Variants in CHAC2 observed in about 807,000 individuals in gnomAD.
CHAC2 encodes the protein glutathione-specific gamma-glutamylcyclotransferase 2.
Under a neutral mutation model 16.9 loss-of-function variants are expected in CHAC2, and 20 were observed. The ratio of observed to expected loss-of-function variants is 1.18; its 90% CI spans 0.83 to 1.72. The LOEUF (loss-of-function observed/expected upper bound fraction) is 1.72, where lower values mean the gene tolerates loss of function less well. Among genes scored for constraint, CHAC2 ranks in the 40% most tolerant of loss-of-function variants. CHAC2 has a pLI of 0.00. For synonymous variants in CHAC2, 91 were observed against 77.3 expected, an observed-to-expected ratio of 1.18 and a Z score of -0.93; for missense variants, 269 against 222.2, an observed-to-expected ratio of 1.21 and a Z score of -1.34.
At chr2:53,768,059 T>C (rs1298298443) in intron 1 of CHAC2, 38 bp downstream of exon 1, 5 of 1,606,132 alleles carry the variant, frequency 3.1e-6, no homozygotes, top group Non-Finnish European at 4.2e-6. Flanking sequence ...TACTGCCCCC[T>C]GACCCCTGCT....
At chr2:53,771,378 T>TG (rs1407103256) in intron 1 of CHAC2, among the ~76,000 whole-genome samples, 1 of 152,132 alleles carries the variant, frequency 6.6e-6, no homozygotes, top group South Asian at 2.1e-4. Context: ...CTGGGTGTCT[T>TG]GGCGGGCACC....
chr2:53,767,874 G>T lies in CHAC2; in HGVS notation c.-13G>T. 6.2e-7 allele frequency: 1 copy of T among 1,600,642 alleles called. No homozygotes were observed. The highest frequency in any genetic ancestry group is 8.5e-7 in the Non-Finnish European group (1 of 1,173,798). ...AGGGTTCACGGCCACTGGGGCAGAG[G>T]AGCCGCGAGAAGATGTGGGTTTTTG... On this transcript the variant is annotated 5_prime_UTR_variant, in exon 1 of 3. Transcript: ENST00000295304.
At position 53,774,577 on chromosome 2, in the gene CHAC2, A is replaced by G. The variant is rs1674201068; in HGVS notation, c.*52A>G. 1.5e-6 allele frequency: 2 copies of G among 1,307,950 alleles called. No homozygotes were observed. The highest frequency in any genetic ancestry group is 2.4e-5 in the East Asian group (1 of 41,508). 81.0% of individuals were successfully genotyped at this position (1,307,950 alleles called of 1,614,324 possible). ...TGCACAATGACAATATGATTTGGAA[A>G]TACGTTTACTTAAAGATCTTATTTT... On this transcript the variant is annotated 3_prime_UTR_variant, in exon 3 of 3. Transcript: ENST00000295304.
At chr2:53,773,377 T>C (rs1250643840) in intron 2 of CHAC2, among the ~76,000 whole-genome samples, 3 of 150,978 alleles carry the variant, frequency 2.0e-5, no homozygotes, top group Non-Finnish European at 4.4e-5. Flanking sequence ...ATTTCCTTTA[T>C]TGTTTAGTAT....
intron 1 of CHAC2, among the ~76,000 whole-genome samples, 189 bp from the exon 2 acceptor site, chr2:53,771,717 AC>A (rs1309298638): frequency 6.6e-6 from 1 of 152,166 alleles, no homozygotes; most frequent in Non-Finnish European, 1.5e-5. Context: ...AAAGGCCAAC[AC>A]AGTCTCTAGA....
In CHAC2 at chr2:53,774,559, T is replaced by C. The variant is rs1236301703; in HGVS notation, c.*34T>C. 3 of 1,427,280 alleles carry C rather than the reference T, an allele frequency of 2.1e-6. No individual in the cohort carries two copies. In the South Asian group the frequency reaches 4.5e-5, roughly 21 times the overall value. The allele number at this position is 1,427,280 out of a possible 1,614,324, so 88.4% of individuals were successfully genotyped here. A position where few individuals can be genotyped will look rare whatever the true frequency, so the allele number is the denominator to read the frequency against. ...TCAGAGAATTAACTTCAGTGCACAA[T>C]GACAATATGATTTGGAAATACGTTT... On this transcript the variant is annotated 3_prime_UTR_variant, in exon 3 of 3. Coordinates refer to ENST00000295304, the MANE Select transcript of CHAC2 (RefSeq NM_001008708.4).
chr2:53,773,184 T>C (rs2104164261), intron 2 of CHAC2, among the ~76,000 whole-genome samples: 2 of 152,278 alleles, frequency 1.3e-5, no homozygotes, highest in South Asian at 4.1e-4. Flanking sequence ...ATTAAACAGT[T>C]AATAAACAAA....
At position 53,774,183 on chromosome 2, in the gene CHAC2, G is replaced by A. The variant is rs1289262563; in HGVS notation, c.213G>A (p.Lys71=). 8 of 1,612,548 alleles carry A rather than the reference G, an allele frequency of 5.0e-6. No homozygotes were observed. Among genetic ancestry groups the A allele is most frequent in the African/African-American group, 1.3e-5 (1 of 74,784 alleles). ...WGVAYRLPVG[K]EEEVKAYLDF... ...TTGCTTACAGATTGCCAGTAGGAAA[G>A]GAAGAAGAAGTAAAAGCATACCTTG... The change falls in exon 3 of 3, where the codon AAG becomes AAA. Residue 71 remains lysine (K), a synonymous_variant. Transcript: ENST00000295304.
At chr2:53,773,810 G>A (rs1674125087) in intron 2 of CHAC2, among the ~76,000 whole-genome samples, 2 of 151,946 alleles carry the variant, frequency 1.3e-5, no homozygotes, top group South Asian at 4.2e-4. Context: ...CGAGGCAGGT[G>A]GATCACTTGA....
chr2:53,769,446 G>C (rs10490471), intron 1 of CHAC2, among the ~76,000 whole-genome samples: 84,305 of 152,146 alleles, frequency 0.55, 24,523 homozygotes, highest in African/African-American at 0.74. Context: ...TAGTCTTGAC[G>C]AAAATGTACA....
chr2:53,768,017 G>T lies in CHAC2; in HGVS notation c.131G>T (p.Gly44Val), dbSNP rs545896658. The part of the protein sequence containing the change: ...QGSTDHRGVP[G>V]KPGRVVTLVE... ...AGCACGGACCACCGCGGGGTCCCCG[G>T]CAAGGTGAGGCGCCGGTCAGCTCCC... Residue 44 changes from glycine (G) to valine (V), a missense_variant, in exon 1 of 3, where the codon GGC becomes GTC. Transcript: ENST00000295304. 6 of 1,613,110 alleles carry T rather than the reference G, an allele frequency of 3.7e-6. No homozygotes were observed. In the Admixed American group the frequency reaches 1.0e-4, roughly 27 times the overall value.
rs1271139991 is a variant in CHAC2, at chr2:53,774,808, CAG to C, written c.*286_*287del. ...GGACTCAGTTCAGTCTTGTTTTTATCAGAGTGATAATCATCCTGTTTCACATC... is the reference window on the plus strand; with the variant it reads ...GGACTCAGTTCAGTCTTGTTTTTATCAGTGATAATCATCCTGTTTCACATC... On this transcript the variant is annotated 3_prime_UTR_variant, in exon 3 of 3. Transcript: ENST00000295304. 8 of 253,886 alleles carry C rather than the reference CAG, an allele frequency of 3.2e-5. No individual in the cohort carries two copies. Among genetic ancestry groups the C allele is most frequent in the African/African-American group, 1.6e-4 (7 of 44,952 alleles). 15.7% of individuals were successfully genotyped at this position (253,886 alleles called of 1,614,324 possible).
At chr2:53,771,805 C>T (rs1673932166) in intron 1 of CHAC2, 102 bp from the exon 2 acceptor site, 3 of 743,944 alleles carry the variant, frequency 4.0e-6, no homozygotes, top group African/African-American at 3.6e-5. Context: ...TTCTTATGAG[C>T]AAATATAATT....
Position 53,774,121 on chromosome 2 carries a change from ATTCTT to A in CHAC2, c.172-17_172-13del, listed in dbSNP as rs762673202. ...TTAATTAGCCTTATAATACCAGTGT[ATTCTT>A]TTCATTTTTCAACAGGGATGTGTAT... On this transcript the variant is annotated splice_polypyrimidine_tract_variant and intron_variant, in intron 2 of 2. Coordinates refer to ENST00000295304, the MANE Select transcript of CHAC2 (RefSeq NM_001008708.4). 14 of 1,569,192 alleles carry A rather than the reference ATTCTT, an allele frequency of 8.9e-6. No homozygotes were observed. Among genetic ancestry groups the A allele is most frequent in the Non-Finnish European group, 1.1e-5 (13 of 1,163,022 alleles).
rs1674184622 is a variant in CHAC2 at position 53,774,421 on chromosome 2, T to A, written c.451T>A (p.Ser151Thr). 1.1e-5 allele frequency: 17 copies of A among 1,612,402 alleles called. No individual in the cohort carries two copies. Among genetic ancestry groups the A allele is most frequent in the Non-Finnish European group, 1.4e-5 (17 of 1,179,744 alleles). The change falls in exon 3 of 3, where the codon TCT (serine) becomes ACT (threonine). Residue 151 changes from serine (S) to threonine (T), a missense_variant. Transcript: ENST00000295304. ...AGAATATCTTTTTGAACTTGCAAATTCTATTAGGAACCTTGTGCCAGAAGA... is the reference window on the plus strand; with the variant it reads ...AGAATATCTTTTTGAACTTGCAAATACTATTAGGAACCTTGTGCCAGAAGA... ...NTEYLFELAN[S>T]IRNLVPEEAD... is the part of the protein sequence containing the mutation.
At chr2:53,772,685 C>G (rs1009989493) in intron 2 of CHAC2, among the ~76,000 whole-genome samples, 1 of 151,246 alleles carries the variant, frequency 6.6e-6, no homozygotes, top group Non-Finnish European at 1.5e-5. Context: ...ATCAATAGCA[C>G]CTGTGTGTTG....
intron 1 of CHAC2, 104 bp from the exon 2 acceptor site, chr2:53,771,803 A>G: frequency 5.4e-6 from 4 of 742,516 alleles, no homozygotes; most frequent in Non-Finnish European, 9.6e-6. Flanking sequence ...GCTTCTTATG[A>G]GCAAATATAA....
intron 1 of CHAC2, among the ~76,000 whole-genome samples, chr2:53,769,289 C>G (rs976949545): frequency 6.6e-6 from 1 of 152,214 alleles, no homozygotes; most frequent in African/African-American, 2.4e-5. Flanking sequence ...GCCAGGAGGA[C>G]TGCTTGAGGC....
intron 1 of CHAC2, among the ~76,000 whole-genome samples, chr2:53,768,605 A>G (rs997106841): frequency 2.0e-5 from 3 of 152,232 alleles, no homozygotes; most frequent in African/African-American, 7.2e-5. Flanking sequence ...TTTGGTTTTC[A>G]GTACTAGTGA....
Sources: gnomAD v4.1 joint callset for allele counts (sites outside exome capture counted in the v4.1 genomes callset) on GRCh38, gnomAD v4.1.1 for gene constraint, MANE v1.5 for transcripts, NCBI Gene and HGNC (gene_info 2026-07-23, HGNC 2026-07-21) for gene names.